MED13: variants seen among roughly 807,000 people sequenced by gnomAD.
MED13 encodes the protein mediator complex subunit 13, also known as mediator of RNA polymerase II transcription subunit 13.
In MED13, 23 loss-of-function variants were observed where a neutral mutation model predicts 225.2. The observed-to-expected ratio is 0.10, with a 90% confidence interval of 0.07 to 0.14. The LOEUF is 0.14. Ranked by LOEUF, MED13 falls within the 10% of genes least tolerant of loss-of-function variation. MED13 has a pLI of 1.00. For missense variants in MED13, 2,197 were observed against 2,594.5 expected (o/e 0.85, Z 3.33); for synonymous variants, 942 against 889.2 (o/e 1.06, Z -1.06).
rs201865927 is a variant in MED13 at position 61,965,070 on chromosome 17, T to A, written c.4780A>T (p.Thr1594Ser). ...GATGATTCTCCAGAAATCCCAGCTGTCTGTAGAGCTGATGTCTGTTGCCCT... is the reference window on the plus strand; with the variant it reads ...GATGATTCTCCAGAAATCCCAGCTGACTGTAGAGCTGATGTCTGTTGCCCT... Reference protein sequence around the residue: ...LGGQQTSALQTAGISGESSSL... With the variant: ...LGGQQTSALQSAGISGESSSL... Residue 1594 changes from threonine (T) to serine (S), a missense_variant, in exon 20 of 30, where the codon ACA (threonine) becomes TCA (serine). By Grantham distance (58) the Thr-to-Ser change is moderately conservative. This residue lies in a region of MED13 where 457 missense variants were observed against 442.2 expected (regional missense o/e 1.03). Coordinates refer to ENST00000397786, the MANE Select transcript of MED13 (RefSeq NM_005121.3). 12 of 1,614,182 alleles carry A rather than the reference T, an allele frequency of 7.4e-6. No homozygotes were observed. In the Middle Eastern group the frequency reaches 4.9e-4, roughly 67 times the overall value.
chr17:62,030,269 G>A (rs571345520), intron 6 of MED13: 65 of 340,390 alleles, frequency 1.9e-4, no homozygotes, highest in African/African-American at 6.1e-4. Flanking sequence ...GCCAGCACAC[G>A]GTGGCGTGTC....
chr17:62,011,171 T>A lies in MED13; in HGVS notation c.1346A>T (p.Gln449Leu), dbSNP rs753778004. ...CTTGTGCTTAGGAAGTATTTGTTGT[T>A]GCTGACCTAAAGATGGTGCCTGTCC... ...QQGQAPSLGQ[Q>L]QQILPKHKTN... Residue 449 changes from glutamine to leucine, a missense_variant, in exon 9 of 30, where the codon CAA becomes CTA. By Grantham distance (113) the Gln-to-Leu change is moderately radical (BLOSUM62 -2). Around this residue, in one of 12 missense-constraint regions of MED13, gnomAD observed 884 missense variants for 918.5 expected, o/e 0.96. Coordinates refer to ENST00000397786, the MANE Select transcript of MED13 (RefSeq NM_005121.3). The A allele has an allele frequency of 2.5e-5, 41 of 1,614,098 alleles. No homozygotes were observed. The highest frequency in any genetic ancestry group is 3.1e-5 in the Non-Finnish European group (36 of 1,180,048).
intron 17 of MED13, among the ~76,000 whole-genome samples, chr17:61,971,582 T>C (rs2080109635): frequency 2.0e-5 from 3 of 152,180 alleles, no homozygotes; most frequent in African/African-American, 7.2e-5. Flanking sequence ...ATTACAGGCG[T>C]GAGCCACCAC....
At chr17:61,975,333 G>A (rs552392933) in intron 16 of MED13, among the ~76,000 whole-genome samples, 21 of 152,134 alleles carry the variant, frequency 1.4e-4, no homozygotes, top group African/African-American at 4.6e-4. Flanking sequence ...TATACAAATG[G>A]ACAACAAGCA....
Position 61,984,156 on chromosome 17 carries a change from C to A in MED13, c.2888+15G>T, listed in dbSNP as rs2080228608. Reference sequence around the variant, plus strand: ...TATAAGCAGTCACATACTATTGTAACAACATAAATCATACCCCTCTTTGAT... The same window carrying A: ...TATAAGCAGTCACATACTATTGTAAAAACATAAATCATACCCCTCTTTGAT... On this transcript the variant is annotated intron_variant, in intron 15 of 29. Coordinates refer to ENST00000397786, the MANE Select transcript of MED13 (RefSeq NM_005121.3). The A allele has an allele frequency of 6.7e-7, 1 of 1,492,696 alleles. No homozygotes were observed. The highest frequency in any genetic ancestry group is 8.9e-7 in the Non-Finnish European group (1 of 1,122,074). 92.5% of individuals were successfully genotyped at this position (1,492,696 alleles called of 1,614,324 possible).
rs374567495 is a variant in MED13, at chr17:62,029,983, T to C, written c.1040A>G (p.Lys347Arg). ...GAAGCCATCAGATACTGAAGAAAAT[T>C]TGACCCACTTCTGGACAGACTGAGG... ...VDPQSVQKWVKFSSVSDGFNS... is the reference protein window; with the variant it reads ...VDPQSVQKWVRFSSVSDGFNS... Residue 347 changes from lysine (K) to arginine (R), a missense_variant, in exon 7 of 30, where the codon AAA becomes AGA. This residue lies in a region of MED13 where 884 missense variants were observed against 918.5 expected (regional missense o/e 0.96). Coordinates refer to ENST00000397786, the MANE Select transcript of MED13 (RefSeq NM_005121.3). The C allele has an allele frequency of 1.7e-5, 28 of 1,610,798 alleles. 1 individual carries two copies. Among genetic ancestry groups the C allele is most frequent in the South Asian group, 1.7e-4 (15 of 90,602 alleles).
At chr17:62,050,277 G>C (rs891172089) in intron 3 of MED13, among the ~76,000 whole-genome samples, 1 of 151,614 alleles carries the variant, frequency 6.6e-6, no homozygotes, top group Non-Finnish European at 1.5e-5. Context: ...AGAATCACTT[G>C]AACCTGGGAG....
rs531818317 is a variant in MED13 at position 62,027,218 on chromosome 17, T to G, written c.1283+2323A>C. On this transcript the variant is annotated intron_variant, in intron 8 of 29. Coordinates refer to ENST00000397786, the MANE Select transcript of MED13 (RefSeq NM_005121.3). ...GACTACAGTTACCAAAACAGCATGG[T>G]ACTGGTACTAAAACAGACACATAGA... Among the ~76,000 whole-genome samples, 3 of 152,304 alleles carry G rather than the reference T, an allele frequency of 2.0e-5. No homozygotes were observed. In the South Asian group the frequency reaches 6.2e-4, roughly 32 times the overall value.
At chr17:62,047,224 A>G (rs934347052) in intron 3 of MED13, among the ~76,000 whole-genome samples, 12 of 152,004 alleles carry the variant, frequency 7.9e-5, no homozygotes, top group Non-Finnish European at 5.9e-5. Context: ...TACAAAAATT[A>G]GCCGGGCGTG....
chr17:61,966,428 C>T, intron 19 of MED13, 34 bp downstream of exon 19: 1 of 1,543,908 alleles, frequency 6.5e-7, no homozygotes, highest in African/African-American at 1.4e-5. Context: ...ATTTTGCTAA[C>T]ACCAGCCTTA....
At chr17:62,038,355 T>C (rs2080823956) in intron 3 of MED13, among the ~76,000 whole-genome samples, 1 of 152,122 alleles carries the variant, frequency 6.6e-6, no homozygotes, top group Non-Finnish European at 1.5e-5. Flanking sequence ...TGAGCTATGA[T>C]GACACCACTG....
At chr17:61,979,926 C>T (rs1192652833) in intron 16 of MED13, among the ~76,000 whole-genome samples, 11 of 152,090 alleles carry the variant, frequency 7.2e-5, no homozygotes, top group Non-Finnish European at 1.5e-4. Flanking sequence ...CGGTGGCTCA[C>T]ACCTGTAATC....
At chr17:62,051,891 T>C (rs2143757384) in intron 3 of MED13, among the ~76,000 whole-genome samples, 1 of 152,328 alleles carries the variant, frequency 6.6e-6, no homozygotes, top group East Asian at 1.9e-4. Flanking sequence ...ATGCCTTATA[T>C]TATCTAAATC....
At position 61,953,010 on chromosome 17, in the gene MED13, T is replaced by C; in HGVS notation, c.6072A>G (p.Val2024=). The part of the protein sequence containing the change: ...ILPASPTGSP[V]HSPGSHYPHG... ...GGGGGTAATGAGATCCTGGAGAATG[T>C]ACAGGAGAACCAGTTGGAGAAGCAG... is the stretch of plus-strand genomic sequence containing the variant. Residue 2024 remains valine (V), a synonymous_variant, in exon 27 of 30, where the codon GTA becomes GTG. Transcript: ENST00000397786. 6.2e-7 allele frequency: 1 copy of C among 1,614,082 alleles called. No individual in the cohort carries two copies. Among genetic ancestry groups the C allele is most frequent in the Non-Finnish European group, 8.5e-7 (1 of 1,179,980 alleles).
chr17:62,009,197 G>C (rs892182951), intron 9 of MED13, among the ~76,000 whole-genome samples: 1 of 152,050 alleles, frequency 6.6e-6, no homozygotes, highest in Non-Finnish European at 1.5e-5. Flanking sequence ...TATGTAAAAG[G>C]CTTATTAGAC....
intron 20 of MED13, among the ~76,000 whole-genome samples, chr17:61,964,672 ACGTCTGT>A: frequency 6.6e-6 from 1 of 152,232 alleles, no homozygotes; most frequent in Non-Finnish European, 1.5e-5. Context: ...GTGGTGGCTC[ACGTCTGT>A]AATCCCAGCA....
intron 3 of MED13, among the ~76,000 whole-genome samples, chr17:62,046,008 G>A (rs2080894351): frequency 6.6e-6 from 1 of 152,096 alleles, no homozygotes; most frequent in Non-Finnish European, 1.5e-5. Flanking sequence ...CTTTGTTCAG[G>A]TCAAAGTAGT....
At chr17:62,016,883 G>A (rs1027216374) in intron 8 of MED13, among the ~76,000 whole-genome samples, 3 of 151,850 alleles carry the variant, frequency 2.0e-5, no homozygotes, top group Non-Finnish European at 4.4e-5. Context: ...GGTGGCAGGC[G>A]CCTGTAATCC....
At chr17:61,962,235 G>A (rs533993010) in intron 21 of MED13, among the ~76,000 whole-genome samples, 90 of 152,220 alleles carry the variant, frequency 5.9e-4, no homozygotes, top group African/African-American at 1.9e-3. Context: ...GCAGTGAGCC[G>A]AGATCACGCC....
Sources: allele counts gnomAD v4.1 joint callset (sites outside exome capture counted in the v4.1 genomes callset), GRCh38; gene constraint gnomAD v4.1.1; regional missense constraint gnomAD v4.1.1; transcripts MANE v1.5; gene names NCBI Gene and HGNC (gene_info 2026-07-23, HGNC 2026-07-21).